COG5: variants seen among roughly 807,000 people sequenced by gnomAD.
COG5 encodes component of oligomeric golgi complex 5.
COG5 carries 86 observed loss-of-function variants against 110.4 expected under a neutral mutation model. The ratio of observed to expected loss-of-function variants is 0.78; its 90% CI spans 0.65 to 0.93. The LOEUF is 0.93. Ranked by LOEUF, COG5 falls within the 40% of genes least tolerant of loss-of-function variation. The pLI is 0.00. For missense variants in COG5, 1,077 were observed against 987.0 expected (o/e 1.09, Z -1.22); for synonymous variants, 360 against 334.6 (o/e 1.08, Z -0.83).
At chr7:107,297,443 CTTTTTTTTTTT>C (rs71314693) in intron 12 of COG5, among the ~76,000 whole-genome samples, 3 of 77,984 alleles carry the variant, frequency 3.8e-5, no homozygotes, top group East Asian at 9.0e-4. Context: ...TACATTCTGC[CTTTTTTTTTTT>C]TTTTTTTTTT....
At chr7:107,429,389 C>T (rs539203045) in intron 6 of COG5, among the ~76,000 whole-genome samples, 52 of 151,568 alleles carry the variant, frequency 3.4e-4, no homozygotes, top group Non-Finnish European at 6.2e-4. Context: ...ATACTGACCA[C>T]CTTTTCATGT....
chr7:107,209,889 G>A, intron 21 of COG5: 1 of 985,928 alleles, frequency 1.0e-6, no homozygotes, highest in African/African-American at 1.7e-5. Flanking sequence ...AATGTTTGGT[G>A]GCTGAGAGGT....
rs546294552 is a variant in COG5 at position 107,546,804 on chromosome 7, A to G, written c.417+1307T>C. Among the ~76,000 whole-genome samples, 156 of 152,316 alleles carry G rather than the reference A, an allele frequency of 1.0e-3. 1 individual carries two copies. Among genetic ancestry groups the G allele is most frequent in the Non-Finnish European group, 1.8e-3 (120 of 68,026 alleles). On this transcript the variant is annotated intron_variant, in intron 5 of 21. Transcript: ENST00000297135. ...AAGAAACTGATACATTTCTAGACAT[A>G]TACAACTTACAAAAATTGAATCATA...
intron 8 of COG5, among the ~76,000 whole-genome samples, chr7:107,362,882 A>G (rs1410019252): frequency 1.3e-5 from 2 of 152,160 alleles, no homozygotes; most frequent in East Asian, 3.8e-4. Context: ...ACTGTATATC[A>G]AATTGACAAT....
intron 10 of COG5, among the ~76,000 whole-genome samples, chr7:107,325,238 A>G (rs1254244262): frequency 6.6e-6 from 1 of 152,254 alleles, no homozygotes; most frequent in African/African-American, 2.4e-5. Flanking sequence ...AAATAGAATC[A>G]CACTCTTAGA....
chr7:107,329,055 ACTACAGAT>A (rs900806577), intron 10 of COG5, among the ~76,000 whole-genome samples: 9 of 152,162 alleles, frequency 5.9e-5, no homozygotes, highest in Non-Finnish European at 8.8e-5. Flanking sequence ...CAGCTTGCCA[ACTACAGAT>A]CTACAGATCT....
At chr7:107,443,618 T>C (rs1794847949) in intron 6 of COG5, among the ~76,000 whole-genome samples, 1 of 152,166 alleles carries the variant, frequency 6.6e-6, no homozygotes, top group Non-Finnish European at 1.5e-5. Context: ...TAAATTATGC[T>C]GCTAATAAAA....
intron 12 of COG5, among the ~76,000 whole-genome samples, chr7:107,294,200 T>C (rs1354243462): frequency 6.6e-6 from 1 of 152,214 alleles, no homozygotes; most frequent in Non-Finnish European, 1.5e-5. Context: ...AAGAAAAATA[T>C]TAATTAAATA....
chr7:107,264,364 C>T (rs1803617120), intron 14 of COG5, among the ~76,000 whole-genome samples: 1 of 80,694 alleles, frequency 1.2e-5, no homozygotes, highest in South Asian at 2.9e-4. Context: ...AATTGCCATA[C>T]CCTTATGTAT....
chr7:107,462,848 A>C lies in COG5; in HGVS notation c.539-50216T>G, dbSNP rs76059264. Among the ~76,000 whole-genome samples, 41 of 152,346 alleles carry C rather than the reference A, an allele frequency of 2.7e-4. No individual in the cohort carries two copies. In the East Asian group the frequency reaches 7.7e-3, roughly 29 times the overall value. ...AAGCCAGACTGTCTGACTGGCAACT[A>C]TAATTTGTTTTCACAATTTGCAGTC... On this transcript the variant is annotated intron_variant, in intron 6 of 21. Coordinates refer to ENST00000297135, the MANE Select transcript of COG5 (RefSeq NM_006348.5).
At position 107,215,089 on chromosome 7, in the gene COG5, C is replaced by A. The variant is rs191173951; in HGVS notation, c.2169-3864G>T. On this transcript the variant is annotated intron_variant, in intron 19 of 21. Transcript: ENST00000297135. ...ATTCAGTGTTATCAGCTTGAAATAC[C>A]CTGTTATGAGTATATGGTTTTTGGA... 1.9e-3 allele frequency among the ~76,000 whole-genome samples: 289 copies of A among 151,862 alleles called. 3 individuals carry two copies. The highest frequency in any genetic ancestry group is 6.5e-3 in the African/African-American group (270 of 41,354).
chr7:107,334,058 C>G (rs1293822433), intron 10 of COG5, among the ~76,000 whole-genome samples: 2 of 152,182 alleles, frequency 1.3e-5, no homozygotes, highest in East Asian at 3.9e-4. Context: ...AATCCCAGCA[C>G]TAGGTATATA....
Position 107,404,551 on chromosome 7 carries a change from T to C in COG5, c.669+7951A>G, listed in dbSNP as rs185451175. Among the ~76,000 whole-genome samples, 305 of 151,858 alleles carry C rather than the reference T, an allele frequency of 2.0e-3. 2 individuals are homozygous for C. Among genetic ancestry groups the C allele is most frequent in the African/African-American group, 7.0e-3 (288 of 41,386 alleles). On this transcript the variant is annotated intron_variant, in intron 7 of 21. Transcript: ENST00000297135. Reference sequence around the variant, plus strand: ...AAGCATATTCCAGGCATAAAAAGAGTACCAAGGCCCTAAAGAAGAAAGGAA... The same window carrying C: ...AAGCATATTCCAGGCATAAAAAGAGCACCAAGGCCCTAAAGAAGAAAGGAA...
chr7:107,550,052 C>T (rs1324323894), intron 3 of COG5, among the ~76,000 whole-genome samples: 1 of 151,888 alleles, frequency 6.6e-6, no homozygotes, highest in African/African-American at 2.4e-5. Flanking sequence ...TGTAAGATAC[C>T]CAAGACAGTT....
chr7:107,512,434 G>A (rs1355105659), intron 6 of COG5, among the ~76,000 whole-genome samples: 2 of 151,514 alleles, frequency 1.3e-5, no homozygotes, highest in South Asian at 2.1e-4. Flanking sequence ...ATGCTCATGG[G>A]TAGGAAGAAT....
At chr7:107,316,833 G>GAA (rs556569000) in intron 11 of COG5, among the ~76,000 whole-genome samples, 1 of 148,574 alleles carries the variant, frequency 6.7e-6, no homozygotes, top group African/African-American at 2.5e-5. Flanking sequence ...TCTGTCTCAG[G>GAA]AAAAAAAAAG....
intron 5 of COG5, among the ~76,000 whole-genome samples, chr7:107,546,083 C>T (rs1161637326): frequency 6.6e-6 from 1 of 151,836 alleles, no homozygotes; most frequent in Non-Finnish European, 1.5e-5. Flanking sequence ...GAAAAATTCA[C>T]CAAAAATTTC....
intron 6 of COG5, among the ~76,000 whole-genome samples, chr7:107,447,547 G>A (rs1195768015): frequency 6.6e-6 from 1 of 152,120 alleles, no homozygotes; most frequent in African/African-American, 2.4e-5. Flanking sequence ...TATATATAAG[G>A]TGTTCAGTAT....
At chr7:107,342,428 A>T (rs1235229463) in intron 10 of COG5, among the ~76,000 whole-genome samples, 1 of 151,200 alleles carries the variant, frequency 6.6e-6, no homozygotes, top group Non-Finnish European at 1.5e-5. Flanking sequence ...CTATAATCCC[A>T]GCACTTTGGG....
Sources: allele counts gnomAD v4.1 joint callset (sites outside exome capture counted in the v4.1 genomes callset), GRCh38; gene constraint gnomAD v4.1.1; transcripts MANE v1.5; gene names NCBI Gene and HGNC (gene_info 2026-07-23, HGNC 2026-07-21).